The following SPAG5 variants were observed in gnomAD, a reference collection of about 807,000 sequenced individuals.
The protein encoded by SPAG5 is sperm associated antigen 5.
Under a neutral mutation model 145.4 loss-of-function variants are expected in SPAG5, and 99 were observed. The ratio of observed to expected loss-of-function variants is 0.68; its 90% CI spans 0.58 to 0.80. The LOEUF is 0.80. Among genes scored for constraint, SPAG5 ranks in the 30% least tolerant of loss-of-function variants. The probability of loss-of-function intolerance (pLI) is 0.00; values close to 1 mark genes in which losing one functional copy is unlikely to be tolerated. For missense variants in SPAG5, 1,192 were observed against 1,416.0 expected (o/e 0.84, Z 2.54); for synonymous variants, 477 against 525.4 (o/e 0.91, Z 1.26).
chr17:28,597,316 C>T (rs1319069071), intron 2 of SPAG5, among the ~76,000 whole-genome samples: 1 of 151,770 alleles, frequency 6.6e-6, no homozygotes. Context: ...TACTCAGGAG[C>T]CTGAGGCAGG....
chr17:28,583,529 C>A lies in SPAG5; in HGVS notation c.2667G>T (p.Gln889His). ...EQLQSLTLFL[Q>H]TKLKEKTEQE... ...ATCCTACCTTCTCCTTTAGTTTTGT[C>A]TGTAGAAAGAGAGTCAGGCTCTGTA... Residue 889 changes from glutamine (Q) to histidine (H), a missense_variant, in exon 15 of 24, where the codon CAG (glutamine) becomes CAT (histidine). Physicochemically the swap from Gln to His is conservative, Grantham distance 24. Around this residue, in one of 5 missense-constraint regions of SPAG5, gnomAD observed 709 missense variants for 840.7 expected, o/e 0.84. Coordinates refer to ENST00000321765, the MANE Select transcript of SPAG5 (RefSeq NM_006461.4). 6.2e-7 allele frequency: 1 copy of A among 1,603,090 alleles called. No homozygotes were observed. The highest frequency in any genetic ancestry group is 8.5e-7 in the Non-Finnish European group (1 of 1,176,680).
In SPAG5 at chr17:28,591,965, G is replaced by C; in HGVS notation, c.1262+17C>G. On this transcript the variant is annotated intron_variant, in intron 3 of 23. Transcript: ENST00000321765. ...GGTAATGGAACTCACGAGGTGCAAG[G>C]ACATAGGGGCGCTTACCCACACAGG... 1 of 1,612,838 alleles carries C rather than the reference G, an allele frequency of 6.2e-7. No individual in the cohort carries two copies. Among genetic ancestry groups the C allele is most frequent in the Non-Finnish European group, 8.5e-7 (1 of 1,179,004 alleles).
At position 28,585,526 on chromosome 17, in the gene SPAG5, T is replaced by G; in HGVS notation, c.1860+8A>C. The G allele has an allele frequency of 2.5e-6, 4 of 1,614,000 alleles. No homozygotes were observed. Among genetic ancestry groups the G allele is most frequent in the South Asian group, 1.1e-5 (1 of 91,084 alleles). ...CAGACCCCAGGAAAGAAAATGCCCT[T>G]AAATTACCAGTTGGGTCTGGGCATC... On this transcript the variant is annotated splice_region_variant and intron_variant, in intron 8 of 23. Transcript: ENST00000321765.
chr17:28,580,426 G>C (rs1480705026), intron 15 of SPAG5: 1 of 171,674 alleles, frequency 5.8e-6, no homozygotes, highest in Non-Finnish European at 1.2e-5. Flanking sequence ...AAGAAAAAAA[G>C]AGCCTATACT....
At chr17:28,595,723 T>C (rs968936259) in intron 2 of SPAG5, among the ~76,000 whole-genome samples, 2 of 147,708 alleles carry the variant, frequency 1.4e-5, no homozygotes, top group Non-Finnish European at 3.0e-5. Flanking sequence ...CACTCTAGCC[T>C]GGATGAAGGA....
At chr17:28,580,222 T>A (rs1271686847) in intron 15 of SPAG5, 102 bp from the exon 16 acceptor site, 3 of 657,750 alleles carry the variant, frequency 4.6e-6, no homozygotes, top group Non-Finnish European at 7.8e-6. Flanking sequence ...TTCCACCTAT[T>A]ATCTCAATTC....
chr17:28,579,864 G>A, intron 16 of SPAG5, 27 bp from the exon 17 acceptor site: 3 of 1,603,876 alleles, frequency 1.9e-6, no homozygotes, highest in Non-Finnish European at 2.6e-6. Flanking sequence ...TAATGGGAGA[G>A]GGCCCCTCTG....
intron 15 of SPAG5, 44 bp downstream of exon 15, chr17:28,583,467 A>G: frequency 1.3e-6 from 2 of 1,521,614 alleles, no homozygotes; most frequent in Non-Finnish European, 1.8e-6. Flanking sequence ...TCTGTAAAAT[A>G]AAGATACAAT....
intron 2 of SPAG5, among the ~76,000 whole-genome samples, chr17:28,595,580 T>A (rs1211499773): frequency 6.6e-6 from 1 of 150,916 alleles, no homozygotes; most frequent in Non-Finnish European, 1.5e-5. Flanking sequence ...AAACCCCGCC[T>A]CTACTAAAAA....
chr17:28,593,857 A>G (rs1423533110), intron 2 of SPAG5, among the ~76,000 whole-genome samples: 5 of 152,146 alleles, frequency 3.3e-5, no homozygotes, highest in African/African-American at 1.2e-4. Flanking sequence ...ATACACACAC[A>G]AAGACATTTT....
intron 15 of SPAG5, chr17:28,582,613 G>A (rs934540497): frequency 6.6e-6 from 1 of 152,256 alleles, no homozygotes; most frequent in Admixed American, 6.5e-5. Context: ...CTAAACTGTA[G>A]ATTTGATGGC....
chr17:28,586,164 A>T lies in SPAG5; in HGVS notation c.1531T>A (p.Ser511Thr). Reference protein sequence around the residue: ...RNVMQSWVLISKELISLLHLS... With the variant: ...RNVMQSWVLITKELISLLHLS... ...TGAAGCAAGGATATCAGCTCTTTAG[A>T]GATAAGCACCCATGATTGCTGTAGA... The change falls in exon 6 of 24, where the codon TCT becomes ACT. Residue 511 changes from serine to threonine, a missense_variant. By Grantham distance (58) the Ser-to-Thr change is moderately conservative. Coordinates refer to ENST00000321765, the MANE Select transcript of SPAG5 (RefSeq NM_006461.4). 1 of 1,614,044 alleles carries T rather than the reference A, an allele frequency of 6.2e-7. No homozygotes were observed. Among genetic ancestry groups the T allele is most frequent in the Non-Finnish European group, 8.5e-7 (1 of 1,179,898 alleles).
At chr17:28,583,760 C>A in intron 14 of SPAG5, 93 bp downstream of exon 14, 1 of 1,547,566 alleles carries the variant, frequency 6.5e-7, no homozygotes, top group South Asian at 1.2e-5. Flanking sequence ...GCTCAACACT[C>A]ACAGTTCTCT....
chr17:28,592,043 ATG>A lies in SPAG5; in HGVS notation c.1199_1200del (p.Thr400IlefsTer14), dbSNP rs755765801. ...TTGGTGCCAACCAGGCCTGTCTGGG[ATG>A]TGTTTGTACTCTTTTCCTGTGGTGC... The part of the protein sequence containing the change: ...PSAPQEKSTN[T>X]SQTGLVGTKH... On this transcript the variant is annotated frameshift_variant, in exon 3 of 24. Coordinates refer to ENST00000321765, the MANE Select transcript of SPAG5 (RefSeq NM_006461.4). LOFTEE classifies it high-confidence loss of function. The A allele has an allele frequency of 2.5e-6, 4 of 1,614,128 alleles. No individual in the cohort carries two copies. The highest frequency in any genetic ancestry group is 3.3e-5 in the Admixed American group (2 of 60,000).
At position 28,592,329 on chromosome 17, in the gene SPAG5, G is replaced by A. The variant is rs758782861; in HGVS notation, c.915C>T (p.Ser305=). The A allele has an allele frequency of 2.5e-6, 4 of 1,613,994 alleles. No homozygotes were observed. Among genetic ancestry groups the A allele is most frequent in the Non-Finnish European group, 3.4e-6 (4 of 1,180,004 alleles). Residue 305 remains serine, a synonymous_variant, in exon 3 of 24, where the codon TCC becomes TCT. Coordinates refer to ENST00000321765, the MANE Select transcript of SPAG5 (RefSeq NM_006461.4). ...ALVSSVEDIL[S]TCLTPNLVEM... ...CTACTAGATTTGGTGTCAGGCATGT[G>A]GACAGAATATCTTCCACACTTGAGA... is the stretch of plus-strand genomic sequence containing the variant.
chr17:28,586,350 A>G lies in SPAG5; in HGVS notation c.1512+75T>C, dbSNP rs2070585476. 3.7e-6 allele frequency: 5 copies of G among 1,339,428 alleles called. No homozygotes were observed. In the South Asian group the frequency reaches 4.7e-5, roughly 13 times the overall value. 83.0% of individuals were successfully genotyped at this position (1,339,428 alleles called of 1,614,324 possible). A position where few individuals can be genotyped will look rare whatever the true frequency, so the allele number is the denominator to read the frequency against. On this transcript the variant is annotated intron_variant, in intron 5 of 23. Coordinates refer to ENST00000321765, the MANE Select transcript of SPAG5 (RefSeq NM_006461.4). ...CCACCACGACTTAGTATCACCATCT[A>G]CTAACCACCCAGGATTCTCCATTCT...
intron 15 of SPAG5, among the ~76,000 whole-genome samples, chr17:28,582,131 C>T (rs1242631204): frequency 1.3e-5 from 2 of 152,200 alleles, no homozygotes; most frequent in South Asian, 2.1e-4. Context: ...CAAAATCTGG[C>T]CTCCTGCCTA....
Position 28,578,059 on chromosome 17 carries a change from G to C in SPAG5, c.3461C>G (p.Ser1154Cys). Reference sequence around the variant, plus strand: ...ATCTAGTTTTTCTAACTCCTTGTCAGAGCGCCGAAGGTTCTCCTCTAGGAT... The same window carrying C: ...ATCTAGTTTTTCTAACTCCTTGTCACAGCGCCGAAGGTTCTCCTCTAGGAT... ...RNILEENLRR[S>C]DKELEKLDDI... The change falls in exon 23 of 24, where the codon TCT (serine) becomes TGT (cysteine). Residue 1154 changes from serine to cysteine, a missense_variant. Physicochemically the swap from Ser to Cys is moderately radical, Grantham distance 112 (BLOSUM62 -1). Coordinates refer to ENST00000321765, the MANE Select transcript of SPAG5 (RefSeq NM_006461.4). The C allele has an allele frequency of 6.2e-7, 1 of 1,614,136 alleles. No individual in the cohort carries two copies.
chr17:28,579,234 C>T lies in SPAG5; in HGVS notation c.3024G>A (p.Arg1008=), dbSNP rs1214984042. The T allele has an allele frequency of 6.2e-7, 1 of 1,614,070 alleles. No homozygotes were observed. Among genetic ancestry groups the T allele is most frequent in the African/African-American group, 1.3e-5 (1 of 74,918 alleles). The change falls in exon 19 of 24, where the codon AGG becomes AGA. Residue 1008 remains arginine (R), a synonymous_variant. Coordinates refer to ENST00000321765, the MANE Select transcript of SPAG5 (RefSeq NM_006461.4). ...GATGCTGTTCTTCCTGGGCCTGCAG[C>T]CTAGCTTGCAGCTCACAACTGAAGG... ...LQRKICELQA[R]LQAQEEQHQE...
Sources: allele counts gnomAD v4.1 joint callset (sites outside exome capture counted in the v4.1 genomes callset), GRCh38; gene constraint gnomAD v4.1.1; regional missense constraint gnomAD v4.1.1; transcripts MANE v1.5; gene names NCBI Gene and HGNC (gene_info 2026-07-23, HGNC 2026-07-21).